Variants in XPNPEP2 observed in about 807,000 individuals in gnomAD.
XPNPEP2 encodes xaa-Pro aminopeptidase 2.
In XPNPEP2, 64 loss-of-function variants were observed where a neutral mutation model predicts 59.8. That is an observed-to-expected ratio of 1.07 (90% CI 0.87 to 1.32). XPNPEP2 has a LOEUF of 1.32. XPNPEP2 is among the 40% of genes most tolerant of loss of function. The pLI is 0.00. For synonymous variants in XPNPEP2, 235 were observed against 210.0 expected (o/e 1.12, Z -1.03); for missense variants, 575 against 546.8 (o/e 1.05, Z -0.51).
At chrX:129,749,114 A>G (rs768341032) in intron 7 of XPNPEP2, among the ~76,000 whole-genome samples, 3 of 112,480 alleles carry the variant, frequency 2.7e-5, no homozygotes, top group South Asian at 7.3e-4. Context: ...CCTTGAAAAC[A>G]TAATTGCAAG....
Position 129,750,484 on chromosome X carries a change from G to A in XPNPEP2, c.654G>A (p.Glu218=). ...QEAFTGSTWQ[E]KVSGVRSQMQ... ...TGCTTCTAGGGAGCACTTGGCAGGA[G>A]AAAGTATCTGGCGTCCGAAGCCAGA... Residue 218 remains glutamate (E), a synonymous_variant, in exon 8 of 21, where the codon GAG becomes GAA. Coordinates refer to ENST00000371106, the MANE Select transcript of XPNPEP2 (RefSeq NM_003399.6). 8.4e-7 allele frequency: 1 copy of A among 1,195,591 alleles called. No homozygotes were observed. The highest frequency in any genetic ancestry group is 1.8e-5 in the South Asian group (1 of 54,331).
At chrX:129,743,216 G>C (rs760973439) in intron 2 of XPNPEP2, among the ~76,000 whole-genome samples, 1 of 112,691 alleles carries the variant, frequency 8.9e-6, no homozygotes, top group Non-Finnish European at 1.9e-5. Flanking sequence ...ATATCGTGGA[G>C]TAGAAAGCAA....
chrX:129,745,452 G>A (rs745984341), intron 4 of XPNPEP2, among the ~76,000 whole-genome samples, 186 bp downstream of exon 4: 239 of 111,033 alleles, frequency 2.2e-3, no homozygotes, highest in African/African-American at 7.6e-3. Context: ...ATATCTCATA[G>A]CCCACCAGCC....
intron 11 of XPNPEP2, among the ~76,000 whole-genome samples, chrX:129,753,521 T>C (rs753265371): frequency 1.6e-4 from 18 of 110,900 alleles, no homozygotes; most frequent in Non-Finnish European, 3.0e-4. Context: ...CGATCACCTG[T>C]AGTCCCAGCT....
At chrX:129,745,629 CAA>C (rs1371499499) in intron 4 of XPNPEP2, among the ~76,000 whole-genome samples, 1 of 111,826 alleles carries the variant, frequency 8.9e-6, no homozygotes, top group African/African-American at 3.3e-5. Context: ...CATTTGGAGA[CAA>C]AGTTTTCCTT....
At position 129,750,599 on chromosome X, in the gene XPNPEP2, C is replaced by A; in HGVS notation, c.739+30C>A. On this transcript the variant is annotated intron_variant, in intron 8 of 20. Coordinates refer to ENST00000371106, the MANE Select transcript of XPNPEP2 (RefSeq NM_003399.6). Reference sequence around the variant, plus strand: ...GTGTGGATTTGCAGACATGGGTGGGCGCCTGGGTCTCCCCAATGCCCCAAG... The same window carrying A: ...GTGTGGATTTGCAGACATGGGTGGGAGCCTGGGTCTCCCCAATGCCCCAAG... 4 of 1,127,849 alleles carry A rather than the reference C, an allele frequency of 3.5e-6. No homozygotes were observed. The South Asian group carries it at 7.8e-5, about 22-fold the overall frequency. The allele number at this position is 1,127,849 out of a possible 1,213,427, so 92.9% of individuals were successfully genotyped here. A position where few individuals can be genotyped will look rare whatever the true frequency, so the allele number is the denominator to read the frequency against.
chrX:129,746,513 A>G, intron 5 of XPNPEP2, 82 bp from the exon 6 acceptor site: 1 of 1,006,001 alleles, frequency 9.9e-7, no homozygotes, highest in South Asian at 1.9e-5. Context: ...ACATGGTAGG[A>G]CCATCAGACA....
chrX:129,750,574 G>A lies in XPNPEP2; in HGVS notation c.739+5G>A. 1 of 1,174,682 alleles carries A rather than the reference G, an allele frequency of 8.5e-7. No homozygotes were observed. Among genetic ancestry groups the A allele is most frequent in the Non-Finnish European group, 1.1e-6 (1 of 876,520 alleles). ...CGGCGCTTGAGGAGACGGCCTGTGA[G>A]TGTGGATTTGCAGACATGGGTGGGC... On this transcript the variant is annotated splice_donor_5th_base_variant and intron_variant, in intron 8 of 20. Coordinates refer to ENST00000371106, the MANE Select transcript of XPNPEP2 (RefSeq NM_003399.6).
At chrX:129,767,529 C>T (rs1319077047) in intron 19 of XPNPEP2, 74 bp from the exon 20 acceptor site, 3 of 1,053,313 alleles carry the variant, frequency 2.8e-6, no homozygotes, top group South Asian at 1.9e-5. Context: ...TGGAGTGCTC[C>T]TTCCTTCCCT....
intron 11 of XPNPEP2, 77 bp downstream of exon 11, chrX:129,753,325 G>A (rs998811762): frequency 3.2e-5 from 31 of 961,097 alleles, no homozygotes; most frequent in Non-Finnish European, 4.6e-5. Context: ...GCCTCCAGAA[G>A]AGCCTGAAGA....
intron 3 of XPNPEP2, among the ~76,000 whole-genome samples, chrX:129,744,344 C>A (rs748776101): frequency 7.1e-5 from 8 of 112,210 alleles, no homozygotes; most frequent in Non-Finnish European, 1.5e-4. Context: ...GAAGGCAGAT[C>A]CAGAATGAAT....
At chrX:129,753,799 C>T (rs1926466274) in intron 11 of XPNPEP2, among the ~76,000 whole-genome samples, 1 of 111,400 alleles carries the variant, frequency 9.0e-6, no homozygotes. Context: ...CCACCCAATT[C>T]CTAACTGGGT....
chrX:129,756,390 G>T, intron 13 of XPNPEP2, 94 bp from the exon 14 acceptor site: 2 of 906,112 alleles, frequency 2.2e-6, no homozygotes, highest in Non-Finnish European at 3.2e-6. Context: ...GACTGGCCTG[G>T]AAGCCCAGGC....
chrX:129,756,654 C>T (rs1461845459), intron 14 of XPNPEP2, 99 bp downstream of exon 14: 11 of 895,698 alleles, frequency 1.2e-5, no homozygotes, highest in Non-Finnish European at 1.1e-5. Flanking sequence ...GCCACGGATT[C>T]TTCGTCTGAA....
At chrX:129,748,457 A>T (rs944101983) in intron 7 of XPNPEP2, among the ~76,000 whole-genome samples, 4 of 112,292 alleles carry the variant, frequency 3.6e-5, no homozygotes, top group Non-Finnish European at 7.5e-5. Context: ...AACCAGTCCT[A>T]TCTCCCTGGG....
intron 11 of XPNPEP2, among the ~76,000 whole-genome samples, chrX:129,753,942 C>T (rs1289553971): frequency 8.9e-6 from 1 of 112,145 alleles, no homozygotes; most frequent in East Asian, 2.8e-4. Flanking sequence ...TGAGCACCAC[C>T]TAGCACATTC....
Position 129,747,605 on chromosome X carries a change from A to G in XPNPEP2, c.491-2A>G, listed in dbSNP as rs892568224. 1 of 1,210,964 alleles carries G rather than the reference A, an allele frequency of 8.3e-7. No homozygotes were observed. Among genetic ancestry groups the G allele is most frequent in the Non-Finnish European group, 1.1e-6 (1 of 894,923 alleles). On this transcript the variant is annotated splice_acceptor_variant, in intron 6 of 20. Transcript: ENST00000371106. LOFTEE classifies it high-confidence loss of function. ...ACAAGTGACTCCTTCTTGTCTCTGC[A>G]GACACCTGGGAGAGTTATGATCTGG...
At chrX:129,749,712 G>A (rs142183326) in intron 7 of XPNPEP2, among the ~76,000 whole-genome samples, 5 of 112,813 alleles carry the variant, frequency 4.4e-5, no homozygotes, top group African/African-American at 6.4e-5. Context: ...GAGAAAGGAC[G>A]GTGCTGTGAC....
Position 129,768,704 on chromosome X carries a change from G to A in XPNPEP2, c.*219G>A, listed in dbSNP as rs1321520131. 3.1e-6 allele frequency: 1 copy of A among 318,016 alleles called. No individual in the cohort carries two copies. Among genetic ancestry groups the A allele is most frequent in the Admixed American group, 5.5e-5 (1 of 18,092 alleles). 26.2% of individuals were successfully genotyped at this position (318,016 alleles called of 1,213,427 possible). A position where few individuals can be genotyped will look rare whatever the true frequency, so the allele number is the denominator to read the frequency against. ...TGGCACCTCCCTGCACCCCGGGGTT[G>A]TATACCACACCCTGGGCCCCTAATC... On this transcript the variant is annotated 3_prime_UTR_variant, in exon 21 of 21. Transcript: ENST00000371106.
Sources: gnomAD v4.1 joint callset for allele counts (sites outside exome capture counted in the v4.1 genomes callset) on GRCh38, gnomAD v4.1.1 for gene constraint, MANE v1.5 for transcripts, NCBI Gene and HGNC (gene_info 2026-07-23, HGNC 2026-07-21) for gene names.